Variants in ARHGEF4 observed in about 807,000 individuals in gnomAD.
The protein encoded by ARHGEF4 is Rho guanine nucleotide exchange factor 4.
In ARHGEF4, 119 loss-of-function variants were observed where a neutral mutation model predicts 162.0. That is an observed-to-expected ratio of 0.73 (90% CI 0.63 to 0.86). ARHGEF4 has a LOEUF of 0.86. Ranked by LOEUF, ARHGEF4 falls within the 40% of genes least tolerant of loss-of-function variation. The pLI is 0.00. For missense variants in ARHGEF4, 2,488 were observed against 2,456.0 expected (o/e 1.01, Z -0.28); for synonymous variants, 1,014 against 979.9 (o/e 1.03, Z -0.65).
chr2:130,879,015 A>G (rs1679032852), intron 1 of ARHGEF4, among the ~76,000 whole-genome samples: 1 of 152,244 alleles, frequency 6.6e-6, no homozygotes. Flanking sequence ...GGTAGAGGCT[A>G]CGGCTCAGGC....
intron 1 of ARHGEF4, among the ~76,000 whole-genome samples, chr2:130,893,644 C>A (rs558521585): frequency 1.5e-3 from 234 of 152,238 alleles, no homozygotes; most frequent in African/African-American, 5.4e-3. Context: ...GGGAGGCAGG[C>A]AAGAAACTCT....
chr2:130,848,208 G>A (rs1055160428), intron 1 of ARHGEF4, among the ~76,000 whole-genome samples: 3 of 152,186 alleles, frequency 2.0e-5, no homozygotes, highest in African/African-American at 7.2e-5. Context: ...CAGGCCTGTG[G>A]GGAGAGGCGG....
intron 1 of ARHGEF4, among the ~76,000 whole-genome samples, chr2:130,844,658 G>A (rs1427282849): frequency 6.6e-6 from 1 of 152,040 alleles, no homozygotes; most frequent in Admixed American, 6.5e-5. Flanking sequence ...CTCTCCCATA[G>A]AGCTCTGTGC....
At chr2:130,905,772 T>C (rs935086580) in intron 1 of ARHGEF4, among the ~76,000 whole-genome samples, 2 of 152,198 alleles carry the variant, frequency 1.3e-5, no homozygotes, top group African/African-American at 4.8e-5. Flanking sequence ...AGTTATTTTA[T>C]TAATCTCTTA....
intron 3 of ARHGEF4, among the ~76,000 whole-genome samples, chr2:130,935,721 T>C (rs997330607): frequency 2.0e-5 from 3 of 152,234 alleles, no homozygotes; most frequent in Non-Finnish European, 4.4e-5. Flanking sequence ...CCTATTGACA[T>C]CTAGTGTCAT....
chr2:130,950,619 C>T (rs1028565653), intron 4 of ARHGEF4, among the ~76,000 whole-genome samples: 4 of 152,048 alleles, frequency 2.6e-5, no homozygotes, highest in East Asian at 1.9e-4. Context: ...CAGATACGTG[C>T]GGTCATCACC....
At chr2:130,854,648 A>C (rs764942097) in intron 1 of ARHGEF4, among the ~76,000 whole-genome samples, 1 of 152,050 alleles carries the variant, frequency 6.6e-6, no homozygotes, top group East Asian at 1.9e-4. Context: ...CCCCCATCTC[A>C]TCTCACTCAC....
chr2:130,955,497 G>C, intron 4 of ARHGEF4, among the ~76,000 whole-genome samples: 1 of 152,044 alleles, frequency 6.6e-6, no homozygotes, highest in East Asian at 1.9e-4. Context: ...CTTCCCGTGG[G>C]GTTAAGCTTC....
At chr2:130,919,754 T>C (rs1306175535) in intron 2 of ARHGEF4, among the ~76,000 whole-genome samples, 1 of 151,872 alleles carries the variant, frequency 6.6e-6, no homozygotes, top group Admixed American at 6.6e-5. Context: ...TGGGCGCCTG[T>C]AATCCCAGCT....
chr2:130,871,302 G>A (rs11894361), intron 1 of ARHGEF4, among the ~76,000 whole-genome samples: 24,065 of 152,072 alleles, frequency 0.16, 3,818 homozygotes, highest in African/African-American at 0.41. Flanking sequence ...TTGGGAGGCC[G>A]AGGTGGGCGG....
chr2:130,866,742 C>G (rs1436858225), intron 1 of ARHGEF4, among the ~76,000 whole-genome samples: 1 of 152,160 alleles, frequency 6.6e-6, no homozygotes, highest in Admixed American at 6.6e-5. Flanking sequence ...TCATGGTGTA[C>G]AATTCTTTTG....
intron 4 of ARHGEF4, among the ~76,000 whole-genome samples, chr2:131,020,833 C>T (rs1316586829): frequency 5.3e-5 from 8 of 152,200 alleles, no homozygotes; most frequent in Non-Finnish European, 1.5e-5. Context: ...TCCTATTTCT[C>T]CACATCCTCT....
At chr2:130,913,063 T>TG (rs920132133) in intron 1 of ARHGEF4, among the ~76,000 whole-genome samples, 92 of 152,194 alleles carry the variant, frequency 6.0e-4, no homozygotes, top group African/African-American at 2.0e-3. Context: ...GGTTCGGTAC[T>TG]GGGGGGGAGT....
chr2:130,844,567 A>T (rs1041084349), intron 1 of ARHGEF4, among the ~76,000 whole-genome samples: 3 of 152,120 alleles, frequency 2.0e-5, no homozygotes, highest in African/African-American at 7.2e-5. Context: ...GCTCGAGAAG[A>T]GGTCTCCTTG....
intron 1 of ARHGEF4, among the ~76,000 whole-genome samples, chr2:130,837,944 C>T (rs1415513580): frequency 6.6e-6 from 1 of 152,190 alleles, no homozygotes; most frequent in Non-Finnish European, 1.5e-5. Flanking sequence ...GTTCTGTGGC[C>T]CTGAGAGCTC....
At chr2:130,991,087 C>G (rs555857616) in intron 4 of ARHGEF4, among the ~76,000 whole-genome samples, 1 of 152,318 alleles carries the variant, frequency 6.6e-6, no homozygotes, top group Middle Eastern at 3.4e-3. Flanking sequence ...TGAATGGATA[C>G]AGATTTTCCA....
Position 130,988,226 on chromosome 2 carries a change from G to C in ARHGEF4, c.3986-39719G>C, listed in dbSNP as rs149396042. Among the ~76,000 whole-genome samples, 9 of 152,292 alleles carry C rather than the reference G, an allele frequency of 5.9e-5. No individual in the cohort carries two copies. In the East Asian group the frequency reaches 1.7e-3, roughly 29 times the overall value. On this transcript the variant is annotated intron_variant, in intron 4 of 13. Transcript: ENST00000409359. ...TGGGAGTCTGGCAGTCACCTCCTCC[G>C]CAGCCGTGTCCCCAGGCTCACAGGA... is the stretch of plus-strand genomic sequence containing the variant.
intron 4 of ARHGEF4, among the ~76,000 whole-genome samples, chr2:130,981,232 C>G (rs1558801861): frequency 6.6e-6 from 1 of 152,046 alleles, no homozygotes; most frequent in Non-Finnish European, 1.5e-5. Flanking sequence ...ATAAATAGAA[C>G]AAATAATGAC....
In ARHGEF4 at chr2:130,977,448, C is replaced by T. The variant is rs548911642; in HGVS notation, c.3985+30813C>T. Reference sequence around the variant, plus strand: ...TGTGTTTTCTATGTGGTGTATGTTGCGTGTGTGTGTAGTGTTTATGTTGTG... The same window carrying T: ...TGTGTTTTCTATGTGGTGTATGTTGTGTGTGTGTGTAGTGTTTATGTTGTG... On this transcript the variant is annotated intron_variant, in intron 4 of 13. Transcript: ENST00000409359. Among the ~76,000 whole-genome samples the T allele has an allele frequency of 1.1e-4, 17 of 149,920 alleles. 1 individual carries two copies. The highest frequency in any genetic ancestry group is 8.7e-4 in the Admixed American group (13 of 15,026).
Sources: allele counts gnomAD v4.1 joint callset (sites outside exome capture counted in the v4.1 genomes callset), GRCh38; gene constraint gnomAD v4.1.1; transcripts MANE v1.5; gene names NCBI Gene and HGNC (gene_info 2026-07-23, HGNC 2026-07-21).